Variants in SLC5A11 observed in about 807,000 individuals in gnomAD.
The protein encoded by SLC5A11 is sodium/myo-inositol cotransporter 2.
SLC5A11 carries 48 observed loss-of-function variants against 69.8 expected under a neutral mutation model. The observed-to-expected ratio is 0.69, with a 90% CI of 0.55 to 0.87. The LOEUF is 0.87. Among genes scored for constraint, SLC5A11 ranks in the 40% least tolerant of loss-of-function variants. SLC5A11 has a pLI of 0.00. For missense variants in SLC5A11, 784 were observed against 866.1 expected (o/e 0.91, Z 1.19); for synonymous variants, 319 against 342.4 (o/e 0.93, Z 0.75).
At chr16:24,910,808 G>A (rs191201288) in intron 15 of SLC5A11, among the ~76,000 whole-genome samples, 83 of 152,180 alleles carry the variant, frequency 5.5e-4, no homozygotes, top group Admixed American at 4.3e-3. Flanking sequence ...CTAAACTGGC[G>A]GCTTGCAGAC....
At chr16:24,893,301 A>ATTAC (rs1241587813) in intron 9 of SLC5A11, among the ~76,000 whole-genome samples, 1 of 150,478 alleles carries the variant, frequency 6.6e-6, no homozygotes, top group East Asian at 2.0e-4. Context: ...AAATTAATTA[A>ATTAC]TTAATTAATT....
intron 10 of SLC5A11, among the ~76,000 whole-genome samples, chr16:24,903,342 C>A (rs536887379): frequency 6.6e-6 from 1 of 152,220 alleles, no homozygotes; most frequent in East Asian, 1.9e-4. Context: ...TTTATCATTT[C>A]TTTGTGTTGG....
chr16:24,898,519 T>TTTTTGCA (rs2049346373), intron 10 of SLC5A11, among the ~76,000 whole-genome samples: 1 of 151,556 alleles, frequency 6.6e-6, no homozygotes, highest in Non-Finnish European at 1.5e-5. Flanking sequence ...CCTTTTTTTT[T>TTTTTGCA]TTTTGCATTT....
At chr16:24,864,506 T>C (rs190265935) in intron 3 of SLC5A11, among the ~76,000 whole-genome samples, 1 of 152,240 alleles carries the variant, frequency 6.6e-6, no homozygotes, top group Admixed American at 6.5e-5. Context: ...CAATAAACCC[T>C]GAAGAGTCAG....
intron 2 of SLC5A11, chr16:24,861,856 G>T (rs2046589865): frequency 6.6e-6 from 1 of 152,112 alleles, no homozygotes; most frequent in African/African-American, 2.4e-5. Context: ...TTAACAGATG[G>T]GGCGTTTCGA....
At chr16:24,880,711 T>C (rs1266631642) in intron 7 of SLC5A11, among the ~76,000 whole-genome samples, 2 of 151,960 alleles carry the variant, frequency 1.3e-5, no homozygotes, top group African/African-American at 2.4e-5. Flanking sequence ...TGCTGAATCA[T>C]TAAAATCACC....
intron 9 of SLC5A11, among the ~76,000 whole-genome samples, chr16:24,893,856 G>A (rs1237239361): frequency 6.6e-6 from 1 of 152,162 alleles, no homozygotes; most frequent in Non-Finnish European, 1.5e-5. Context: ...ACAGGCGTGA[G>A]CCACTGCACC....
chr16:24,867,966 A>G (rs755120906), intron 3 of SLC5A11, among the ~76,000 whole-genome samples: 10 of 151,766 alleles, frequency 6.6e-5, no homozygotes, highest in Admixed American at 2.6e-4. Flanking sequence ...GTGAAACCCC[A>G]TTTCTACTAA....
At chr16:24,851,102 C>T (rs369320739) in intron 1 of SLC5A11, among the ~76,000 whole-genome samples, 2 of 151,426 alleles carry the variant, frequency 1.3e-5, no homozygotes, top group South Asian at 4.2e-4. Flanking sequence ...TAAGCCACTG[C>T]ACCCGGCCTA....
chr16:24,908,118 G>A (rs751928139), exon 13 of SLC5A11: 1 of 1,594,290 alleles, frequency 6.3e-7, no homozygotes, highest in Admixed American at 1.8e-5. Context: ...TTCTGGAAGA[G>A]GACCAATGAA....
rs1274088047 is a variant in SLC5A11 at position 24,890,499 on chromosome 16, AAAAAAAAAAAAAAAAAGAAG to A, written c.665-369_665-350del. 1.7e-3 allele frequency among the ~76,000 whole-genome samples: 125 copies of A among 74,490 alleles called. 8 individuals carry two copies. The highest frequency in any genetic ancestry group is 3.4e-3 in the African/African-American group (75 of 22,124). The allele number at this position is 74,490 out of a possible 152,430, so 48.9% of individuals were successfully genotyped here. A position where few individuals can be genotyped will look rare whatever the true frequency, so the allele number is the denominator to read the frequency against. Reference sequence around the variant, plus strand: ...ACTTCATATCAAAAAAAAAAAAAAAAAAAAAAAAAAAAAAAAGAAGGAAGGAAGGAAAGAAAGGAAGGAAG... The same window carrying A: ...ACTTCATATCAAAAAAAAAAAAAAAAGAAGGAAGGAAAGAAAGGAAGGAAG... On this transcript the variant is annotated intron_variant, in intron 8 of 15. Coordinates refer to ENST00000347898, the Ensembl canonical transcript of SLC5A11.
intron 7 of SLC5A11, 96 bp from the exon 9 acceptor site, chr16:24,883,954 TC>T (rs1451657617): frequency 9.3e-7 from 1 of 1,079,506 alleles, no homozygotes; most frequent in African/African-American, 1.5e-5. Context: ...CTAAGAAATC[TC>T]CCATCGGGTC....
chr16:24,897,376 T>C (rs549325308), intron 9 of SLC5A11, among the ~76,000 whole-genome samples: 2 of 152,218 alleles, frequency 1.3e-5, no homozygotes, highest in East Asian at 1.9e-4. Flanking sequence ...AGGACTCTAA[T>C]TGGCAAGGCG....
At position 24,876,340 on chromosome 16, in the gene SLC5A11, G is replaced by A. The variant is rs7188078; in HGVS notation, c.477+609G>A. On this transcript the variant is annotated intron_variant, in intron 6 of 15. Coordinates refer to ENST00000347898, the Ensembl canonical transcript of SLC5A11. Reference sequence around the variant, plus strand: ...TGATCAATGGGACTCCAAGAACCCTGCCAACCCTTGGATAGGACTGTTCTC... The same window carrying A: ...TGATCAATGGGACTCCAAGAACCCTACCAACCCTTGGATAGGACTGTTCTC... 5.6e-3 allele frequency among the ~76,000 whole-genome samples: 857 copies of A among 152,306 alleles called. 13 individuals carry two copies. Among genetic ancestry groups the A allele is most frequent in the African/African-American group, 0.019 (782 of 41,570 alleles).
chr16:24,906,788 C>T (rs1238516596), intron 11 of SLC5A11, 24 bp downstream of exon 12: 1 of 1,586,912 alleles, frequency 6.3e-7, no homozygotes, highest in Non-Finnish European at 8.6e-7. Context: ...ACTCCTGAAT[C>T]AAGTCCCCTG....
intron 7 of SLC5A11, among the ~76,000 whole-genome samples, chr16:24,879,931 C>A (rs151290805): frequency 0.02 from 3,062 of 152,152 alleles, 113 homozygotes; most frequent in African/African-American, 0.069. Context: ...TTGATGGGCA[C>A]CTGTGTCAAT....
At chr16:24,899,055 CGA>C (rs1157758089) in intron 10 of SLC5A11, among the ~76,000 whole-genome samples, 1 of 151,402 alleles carries the variant, frequency 6.6e-6, no homozygotes, top group Non-Finnish European at 1.5e-5. Flanking sequence ...AGGCCTCAAG[CGA>C]TCCTCCTGCC....
chr16:24,853,185 TC>T (rs1371255758), intron 1 of SLC5A11, among the ~76,000 whole-genome samples: 1 of 151,858 alleles, frequency 6.6e-6, no homozygotes, highest in Non-Finnish European at 1.5e-5. Context: ...TTGCACTCAG[TC>T]CCCAGGGCCT....
At chr16:24,848,772 CCT>C (rs780136654) in intron 1 of SLC5A11, among the ~76,000 whole-genome samples, 1 of 151,654 alleles carries the variant, frequency 6.6e-6, no homozygotes, top group Non-Finnish European at 1.5e-5. Context: ...GGAACAAGAC[CCT>C]GTCTCTAAAA....
Sources: gnomAD v4.1 joint callset for allele counts (sites outside exome capture counted in the v4.1 genomes callset) on GRCh38, gnomAD v4.1.1 for gene constraint, MANE v1.5 for transcripts, NCBI Gene and HGNC (gene_info 2026-07-23, HGNC 2026-07-21) for gene names.